TEX15: variants seen among roughly 807,000 people sequenced by gnomAD.
TEX15 encodes testis expressed 15, meiosis and synapsis associated, also known as testis-expressed protein 15.
TEX15 carries 171 observed loss-of-function variants against 237.3 expected under a neutral mutation model. The observed-to-expected ratio is 0.72, with a 90% CI of 0.64 to 0.82. The LOEUF is 0.82. Among genes scored for constraint, TEX15 ranks in the 40% least tolerant of loss-of-function variants. The pLI is 0.00. For synonymous variants in TEX15, 1,338 were observed against 1,269.8 expected, an observed-to-expected ratio of 1.05 and a Z score of -1.14; for missense variants, 3,750 against 3,646.5, an observed-to-expected ratio of 1.03 and a Z score of -0.73.
chr8:30,912,049 G>A (rs114435820), intron 1 of TEX15, among the ~76,000 whole-genome samples: 9,233 of 152,280 alleles, frequency 0.061, 513 homozygotes, highest in Admixed American at 0.19. Flanking sequence ...ACGCGGCACC[G>A]CATCCCGGGC....
intron 7 of TEX15, 27 bp from the exon 8 acceptor site, chr8:30,849,343 T>C: frequency 1.4e-6 from 2 of 1,418,224 alleles, no homozygotes; most frequent in Non-Finnish European, 1.9e-6. Context: ...GAAGACAAAT[T>C]TGAAAAAAAG....
Position 30,846,777 on chromosome 8 carries a change from A to G in TEX15, c.3390T>C (p.Ser1130=). The change falls in exon 8 of 11, where the codon TCT becomes TCC. Residue 1130 remains serine, a synonymous_variant. Coordinates refer to ENST00000643185, the MANE Select transcript of TEX15 (RefSeq NM_001350162.2). ...AGGAATAAAAATAGTTACTTTCCTT[A>G]GAATAATGCTGATCACTATTCTCCC... ...TGRENSDQHY[S]KESNYFYSST... The G allele has an allele frequency of 1.9e-6, 3 of 1,613,870 alleles. No individual in the cohort carries two copies. Among genetic ancestry groups the G allele is most frequent in the Non-Finnish European group, 2.5e-6 (3 of 1,179,796 alleles).
chr8:30,883,234 C>T (rs75889697), intron 3 of TEX15, among the ~76,000 whole-genome samples: 17,693 of 152,024 alleles, frequency 0.12, 1,713 homozygotes, highest in African/African-American at 0.27. Flanking sequence ...CTTCAGCTTC[C>T]CAAATAATGT....
chr8:30,904,623 T>C (rs1179780248), intron 1 of TEX15, among the ~76,000 whole-genome samples: 4 of 152,120 alleles, frequency 2.6e-5, no homozygotes, highest in Non-Finnish European at 2.9e-5. Context: ...TTCCTCCCCC[T>C]GTGAGTTGTT....
intron 7 of TEX15, among the ~76,000 whole-genome samples, chr8:30,857,128 T>C (rs1332758523): frequency 1.3e-5 from 2 of 152,172 alleles, no homozygotes; most frequent in Non-Finnish European, 2.9e-5. Flanking sequence ...CAGTAAGAGA[T>C]CCCTGCAGCA....
At chr8:30,884,950 T>C (rs1456083765) in intron 3 of TEX15, among the ~76,000 whole-genome samples, 1 of 152,210 alleles carries the variant, frequency 6.6e-6, no homozygotes, top group Non-Finnish European at 1.5e-5. Context: ...TGTTTTCTAA[T>C]ACATGCATTC....
At chr8:30,911,069 A>G (rs1251871715) in intron 1 of TEX15, among the ~76,000 whole-genome samples, 1 of 152,192 alleles carries the variant, frequency 6.6e-6, no homozygotes, top group Non-Finnish European at 1.5e-5. Flanking sequence ...CAATAAATTT[A>G]ACCATTTTCT....
chr8:30,861,384 A>G (rs1360347407), intron 5 of TEX15, among the ~76,000 whole-genome samples: 1 of 152,200 alleles, frequency 6.6e-6, no homozygotes, highest in Non-Finnish European at 1.5e-5. Flanking sequence ...CATAAACAAC[A>G]AATGATTTAA....
intron 4 of TEX15, among the ~76,000 whole-genome samples, chr8:30,870,504 G>T (rs1231090175): frequency 1.3e-5 from 2 of 151,990 alleles, no homozygotes; most frequent in Non-Finnish European, 2.9e-5. Context: ...TTTAGCTATG[G>T]GGTGGGGGGT....
intron 2 of TEX15, among the ~76,000 whole-genome samples, chr8:30,893,581 G>T (rs763876479): frequency 6.6e-6 from 1 of 152,162 alleles, no homozygotes; most frequent in Non-Finnish European, 1.5e-5. Context: ...AATTTAATAT[G>T]ATAAATTCTA....
intron 2 of TEX15, among the ~76,000 whole-genome samples, chr8:30,894,880 A>T (rs893849876): frequency 2.0e-5 from 3 of 152,056 alleles, no homozygotes. Context: ...GACTGTGAAG[A>T]CCTCCTTTGT....
chr8:30,894,303 G>A (rs1343060642), intron 2 of TEX15, among the ~76,000 whole-genome samples: 1 of 151,960 alleles, frequency 6.6e-6, no homozygotes, highest in Admixed American at 6.6e-5. Flanking sequence ...ACATAGCAAT[G>A]TAGCAAGAAA....
intron 5 of TEX15, among the ~76,000 whole-genome samples, chr8:30,866,659 A>T (rs939426821): frequency 6.6e-6 from 1 of 152,030 alleles, no homozygotes; most frequent in African/African-American, 2.4e-5. Context: ...ATACTTTCAT[A>T]ATACACTATT....
At chr8:30,833,405 T>A in intron 10 of TEX15, 82 bp from the exon 11 acceptor site, 1 of 1,076,142 alleles carries the variant, frequency 9.3e-7, no homozygotes, top group Non-Finnish European at 1.3e-6. Flanking sequence ...GAACCTGAGT[T>A]TAAATTACAG....
chr8:30,839,958 T>C lies in TEX15; in HGVS notation c.8170A>G (p.Met2724Val), dbSNP rs962010532. 22 of 1,590,822 alleles carry C rather than the reference T, an allele frequency of 1.4e-5. No individual in the cohort carries two copies. Among genetic ancestry groups the C allele is most frequent in the African/African-American group, 5.4e-5 (4 of 74,400 alleles). Residue 2724 changes from methionine (M) to valine (V), a missense_variant, in exon 9 of 11, where the codon ATG becomes GTG. Physicochemically the swap from Met to Val is conservative, Grantham distance 21 (BLOSUM62 1). Coordinates refer to ENST00000643185, the MANE Select transcript of TEX15 (RefSeq NM_001350162.2). ...VSSCKKLKVD[M>V]KDVTKINREK... The stretch of plus-strand genomic sequence containing the variant: ...CTGTTGATTTTTGTGACATCTTTCA[T>C]GTCTACCTGTGTTTAAAAGATACAA...
rs1585285813 is a variant in TEX15, at chr8:30,847,860, T to C, written c.2307A>G (p.Lys769=). ...ACATTTCTTTGGCCTGGGGTATGTC[T>C]TTTGGTTTCGGGAAAGCTTCAGTTA... The part of the protein sequence containing the change: ...SIITEAFPKP[K]DIPQAKEMFI... The change falls in exon 8 of 11, where the codon AAA becomes AAG. Residue 769 remains lysine, a synonymous_variant. Coordinates refer to ENST00000643185, the MANE Select transcript of TEX15 (RefSeq NM_001350162.2). 6.2e-7 allele frequency: 1 copy of C among 1,613,930 alleles called. No individual in the cohort carries two copies. Among genetic ancestry groups the C allele is most frequent in the East Asian group, 2.2e-5 (1 of 44,858 alleles).
Position 30,843,938 on chromosome 8 carries a change from G to A in TEX15, c.6229C>T (p.Gln2077Ter), listed in dbSNP as rs1220378201. ...AATTGAATTGTTTCCATCATCATTTGAAGTTCTACCAAAGTGTCAACAGCA... is the reference window on the plus strand; with the variant it reads ...AATTGAATTGTTTCCATCATCATTTAAAGTTCTACCAAAGTGTCAACAGCA... Reference protein sequence around the residue: ...PCAVDTLVELQMMMETIQFIE... With the variant: ...PCAVDTLVEL The change falls in exon 8 of 11, where the codon CAA becomes TAA. Residue 2077 changes from glutamine (Q) to a stop codon, truncating the protein, a stop_gained. Coordinates refer to ENST00000643185, the MANE Select transcript of TEX15 (RefSeq NM_001350162.2). LOFTEE classifies it high-confidence loss of function. 2 of 1,612,734 alleles carry A rather than the reference G, an allele frequency of 1.2e-6. No homozygotes were observed. Among genetic ancestry groups the A allele is most frequent in the African/African-American group, 2.7e-5 (2 of 74,902 alleles).
intron 7 of TEX15, among the ~76,000 whole-genome samples, chr8:30,853,595 T>C (rs1457221221): frequency 6.6e-6 from 1 of 152,204 alleles, no homozygotes; most frequent in Non-Finnish European, 1.5e-5. Flanking sequence ...AGGATGTGTG[T>C]AGGTTATATG....
Position 30,848,336 on chromosome 8 carries a change from T to C in TEX15, c.1831A>G (p.Ile611Val), listed in dbSNP as rs1406163207. The C allele has an allele frequency of 1.2e-6, 2 of 1,614,168 alleles. No individual in the cohort carries two copies. The highest frequency in any genetic ancestry group is 1.1e-5 in the South Asian group (1 of 91,072). The change falls in exon 8 of 11, where the codon ATT becomes GTT. Residue 611 changes from isoleucine to valine, a missense_variant. Physicochemically the swap from Ile to Val is conservative, Grantham distance 29. Transcript: ENST00000643185. ...CCAGTATTTTGAAGGTATTCATCAA[T>C]GCTTACTTTCTTTTTGAGTGGAAAA... ...TVFPLKKKVS[I>V]DEYLQNTGKM...
Sources: allele counts gnomAD v4.1 joint callset (sites outside exome capture counted in the v4.1 genomes callset), GRCh38; gene constraint gnomAD v4.1.1; transcripts MANE v1.5; gene names NCBI Gene and HGNC (gene_info 2026-07-23, HGNC 2026-07-21).